The following OPCML variants were observed in gnomAD, a reference collection of about 807,000 sequenced individuals.
The protein encoded by OPCML is opioid binding protein/cell adhesion molecule like, also known as opioid-binding protein/cell adhesion molecule.
Under a neutral mutation model 37.8 loss-of-function variants are expected in OPCML, and 13 were observed. The observed-to-expected ratio is 0.34, with a 90% CI of 0.22 to 0.55. OPCML has a LOEUF of 0.55. Ranked by LOEUF, OPCML falls within the 20% of genes least tolerant of loss-of-function variation. The probability of loss-of-function intolerance (pLI) is 0.91; values close to 1 mark genes in which losing one functional copy is unlikely to be tolerated. For missense variants in OPCML, 341 were observed against 435.6 expected, an observed-to-expected ratio of 0.78 and a Z score of 1.93; for synonymous variants, 176 against 168.8, an observed-to-expected ratio of 1.04 and a Z score of -0.33.
chr11:133,516,000 A>G (rs1158020632), intron 1 of OPCML, among the ~76,000 whole-genome samples: 1 of 152,088 alleles, frequency 6.6e-6, no homozygotes, highest in East Asian at 1.9e-4. Flanking sequence ...TGCCTGCTCA[A>G]CACAACGCCA....
chr11:133,472,428 C>A (rs1947138580), intron 1 of OPCML, among the ~76,000 whole-genome samples: 1 of 152,094 alleles, frequency 6.6e-6, no homozygotes, highest in South Asian at 2.1e-4. Context: ...TTCAGAGCAT[C>A]ATTGCCACCT....
intron 2 of OPCML, among the ~76,000 whole-genome samples, chr11:132,764,813 C>A (rs1490789355): frequency 6.6e-6 from 1 of 152,226 alleles, no homozygotes; most frequent in Non-Finnish European, 1.5e-5. Flanking sequence ...TTTCCTCAGG[C>A]TCCATGTAAG....
At chr11:132,951,333 T>C (rs1945856291) in intron 1 of OPCML, among the ~76,000 whole-genome samples, 1 of 152,158 alleles carries the variant, frequency 6.6e-6, no homozygotes, top group South Asian at 2.1e-4. Context: ...GTGAACATGC[T>C]CCGACGAGGG....
At chr11:132,715,503 C>A (rs1025238898) in intron 2 of OPCML, among the ~76,000 whole-genome samples, 1 of 152,100 alleles carries the variant, frequency 6.6e-6, no homozygotes. Context: ...TTGTGTACCC[C>A]CTAAATTCAT....
intron 1 of OPCML, among the ~76,000 whole-genome samples, chr11:133,393,443 T>C (rs1300593153): frequency 6.6e-6 from 1 of 152,196 alleles, no homozygotes; most frequent in Non-Finnish European, 1.5e-5. Flanking sequence ...TACTGTCGGC[T>C]TTCACCCCAG....
rs569275043 is a variant in OPCML, at chr11:133,177,960, C to A, written c.62-234950G>T. On this transcript the variant is annotated intron_variant, in intron 1 of 7. Transcript: ENST00000524381. This position sits in a 1 kb window ranked among gnomAD's most constrained non-coding sequence, Gnocchi z 5.0. ...ACCACACTGAATAAATGAGAGCTGG[C>A]AGGAGGCAATCCCAAGGTTTAAGGC... Among the ~76,000 whole-genome samples, 5 of 152,168 alleles carry A rather than the reference C, an allele frequency of 3.3e-5. No individual in the cohort carries two copies. The South Asian group carries it at 1.0e-3, about 31-fold the overall frequency.
intron 2 of OPCML, among the ~76,000 whole-genome samples, chr11:132,890,377 A>G (rs1325733580): frequency 6.6e-6 from 1 of 152,214 alleles, no homozygotes; most frequent in Non-Finnish European, 1.5e-5. Context: ...TTACTTCAAC[A>G]AGATAGATGC....
intron 3 of OPCML, among the ~76,000 whole-genome samples, chr11:132,648,829 T>C (rs1403301951): frequency 1.3e-5 from 2 of 152,154 alleles, no homozygotes; most frequent in Non-Finnish European, 2.9e-5. Flanking sequence ...GTTCTGACAA[T>C]GTATTCATCC....
chr11:133,435,942 C>G (rs915018027), intron 1 of OPCML, among the ~76,000 whole-genome samples: 1 of 152,144 alleles, frequency 6.6e-6, no homozygotes, highest in African/African-American at 2.4e-5. Context: ...AAGAACTGAG[C>G]CTGTATAGTT....
intron 4 of OPCML, among the ~76,000 whole-genome samples, chr11:132,457,668 C>T (rs991504125): frequency 2.0e-5 from 3 of 152,146 alleles, no homozygotes; most frequent in African/African-American, 4.8e-5. Context: ...AACCACTTGC[C>T]CTGAACCTTT....
intron 1 of OPCML, among the ~76,000 whole-genome samples, chr11:133,473,230 C>A (rs898439578): frequency 1.3e-5 from 2 of 152,164 alleles, no homozygotes; most frequent in Admixed American, 6.5e-5. Context: ...AGCACAGAAA[C>A]CTAACCCAGT....
chr11:132,968,350 C>T (rs1241163510), intron 1 of OPCML, among the ~76,000 whole-genome samples: 1 of 152,184 alleles, frequency 6.6e-6, no homozygotes, highest in Non-Finnish European at 1.5e-5. Flanking sequence ...AAGAGCTACA[C>T]TTAGTGAGAG....
chr11:133,120,747 G>A (rs1949407508), intron 1 of OPCML, among the ~76,000 whole-genome samples: 1 of 152,178 alleles, frequency 6.6e-6, no homozygotes, highest in Non-Finnish European at 1.5e-5. Context: ...TGTGTCAAGA[G>A]TTCATGCTTT....
intron 1 of OPCML, among the ~76,000 whole-genome samples, chr11:133,077,564 T>C (rs1204334989): frequency 2.0e-5 from 3 of 151,972 alleles, no homozygotes; most frequent in African/African-American, 7.3e-5. Flanking sequence ...ATAAATAACT[T>C]CAAAAGCAAA....
At chr11:132,828,783 T>A (rs1222914128) in intron 2 of OPCML, among the ~76,000 whole-genome samples, 2 of 152,204 alleles carry the variant, frequency 1.3e-5, no homozygotes, top group Non-Finnish European at 2.9e-5. Flanking sequence ...ATCTATGTGT[T>A]ATTGAGAGAT....
At chr11:132,487,152 C>A (rs1258071383) in intron 4 of OPCML, among the ~76,000 whole-genome samples, 1 of 152,190 alleles carries the variant, frequency 6.6e-6, no homozygotes, top group African/African-American at 2.4e-5. Context: ...CACCCTGAAA[C>A]AAACAACAGT....
At chr11:133,039,057 G>A (rs904611734) in intron 1 of OPCML, among the ~76,000 whole-genome samples, 2 of 152,128 alleles carry the variant, frequency 1.3e-5, no homozygotes, top group South Asian at 2.1e-4. Flanking sequence ...ATGCTGGCTG[G>A]GGCTTGTTTT....
intron 2 of OPCML, among the ~76,000 whole-genome samples, chr11:132,799,764 C>T (rs1470180018): frequency 1.3e-5 from 2 of 151,918 alleles, no homozygotes; most frequent in Non-Finnish European, 2.9e-5. Flanking sequence ...CTGCAAAGCT[C>T]AGTAAAATGA....
At chr11:133,151,515 T>C (rs2137191861) in intron 1 of OPCML, among the ~76,000 whole-genome samples, 1 of 152,288 alleles carries the variant, frequency 6.6e-6, no homozygotes, top group South Asian at 2.1e-4. Context: ...AATATGACCT[T>C]GTCCAGAATT....
Sources: allele counts gnomAD v4.1 joint callset (sites outside exome capture counted in the v4.1 genomes callset), GRCh38; gene constraint gnomAD v4.1.1; non-coding constraint Gnocchi (gnomAD v3.1); transcripts MANE v1.5; gene names NCBI Gene and HGNC (gene_info 2026-07-23, HGNC 2026-07-21).